Variants in PRORP observed in about 807,000 individuals in gnomAD.
PRORP encodes mitochondrial ribonuclease P catalytic subunit.
In PRORP, 51 loss-of-function variants were observed where a neutral mutation model predicts 59.4. That is an observed-to-expected ratio of 0.86 (90% confidence interval 0.69 to 1.08). The LOEUF (loss-of-function observed/expected upper bound fraction) is 1.08. Among genes scored for constraint, PRORP ranks in the 50% least tolerant of loss-of-function variants. The pLI is 0.00. For synonymous variants in PRORP, 231 were observed against 245.6 expected (o/e 0.94, Z 0.55); for missense variants, 646 against 690.3 (o/e 0.94, Z 0.72).
chr14:35,172,149 A>G (rs1468405913), intron 4 of PRORP, among the ~76,000 whole-genome samples: 1 of 151,004 alleles, frequency 6.6e-6, no homozygotes, highest in African/African-American at 2.4e-5. Context: ...CCCAGGTTCA[A>G]GTGATTCTCC....
chr14:35,240,488 GGT>G (rs147114301), intron 5 of PRORP, among the ~76,000 whole-genome samples: 28,968 of 151,716 alleles, frequency 0.19, 3,357 homozygotes, highest in East Asian at 0.32. Flanking sequence ...TTCTTTTGCT[GGT>G]GTCACTTTTC....
At chr14:35,178,381 C>A (rs2139027358) in intron 4 of PRORP, among the ~76,000 whole-genome samples, 1 of 152,250 alleles carries the variant, frequency 6.6e-6, no homozygotes, top group East Asian at 1.9e-4. Context: ...GTGTCTAAGT[C>A]TCTTTGTAAG....
At chr14:35,141,883 ATT>A (rs1210723866) in intron 4 of PRORP, among the ~76,000 whole-genome samples, 1 of 132,834 alleles carries the variant, frequency 7.5e-6, no homozygotes, top group Non-Finnish European at 1.7e-5. Flanking sequence ...CACCTGGGCA[ATT>A]TTTTTTTTTT....
chr14:35,266,513 A>G (rs1365743742), intron 5 of PRORP, among the ~76,000 whole-genome samples: 1 of 152,108 alleles, frequency 6.6e-6, no homozygotes, highest in Non-Finnish European at 1.5e-5. Context: ...CCCCCCTGCA[A>G]TGTAGCCTGA....
chr14:35,226,168 G>A (rs2049929074), intron 5 of PRORP, among the ~76,000 whole-genome samples: 1 of 152,126 alleles, frequency 6.6e-6, no homozygotes, highest in Admixed American at 6.5e-5. Context: ...TTTGGTGTTA[G>A]CCATGTAAGC....
At chr14:35,224,615 C>T (rs1028698372) in intron 5 of PRORP, among the ~76,000 whole-genome samples, 2 of 152,142 alleles carry the variant, frequency 1.3e-5, no homozygotes, top group African/African-American at 4.8e-5. Context: ...ATATTTTCTT[C>T]CTAAAGTTCC....
intron 5 of PRORP, among the ~76,000 whole-genome samples, chr14:35,214,007 G>A (rs891386194): frequency 6.6e-6 from 1 of 152,176 alleles, no homozygotes; most frequent in Admixed American, 6.5e-5. Context: ...ATGTATACCT[G>A]TATCATATTC....
chr14:35,213,946 A>G (rs1226202131), intron 5 of PRORP, among the ~76,000 whole-genome samples: 1 of 152,232 alleles, frequency 6.6e-6, no homozygotes, highest in African/African-American at 2.4e-5. Context: ...ACTGCCACCA[A>G]TCTTCAATTT....
chr14:35,152,766 G>A (rs1331517330), intron 4 of PRORP, among the ~76,000 whole-genome samples: 9 of 152,184 alleles, frequency 5.9e-5, no homozygotes, highest in African/African-American at 2.2e-4. Context: ...TGGCGGCCGG[G>A]CAGAGGCGCT....
At chr14:35,239,126 CG>C (rs1198687955) in intron 5 of PRORP, among the ~76,000 whole-genome samples, 1 of 151,914 alleles carries the variant, frequency 6.6e-6, no homozygotes, top group African/African-American at 2.4e-5. Flanking sequence ...GGAGGCGAGG[CG>C]GGCGGATCTC....
intron 5 of PRORP, among the ~76,000 whole-genome samples, chr14:35,215,514 C>G (rs2049564476): frequency 6.6e-6 from 1 of 152,058 alleles, no homozygotes; most frequent in Admixed American, 6.5e-5. Flanking sequence ...TGTGGTGGCT[C>G]CCAGCACTGC....
chr14:35,126,000 C>T (rs549163511), intron 2 of PRORP, among the ~76,000 whole-genome samples: 4 of 152,008 alleles, frequency 2.6e-5, no homozygotes, highest in South Asian at 2.1e-4. Flanking sequence ...CCAACCTGGG[C>T]GACAGAGCAA....
chr14:35,145,119 C>T (rs79653192), intron 4 of PRORP, among the ~76,000 whole-genome samples: 4,935 of 144,738 alleles, frequency 0.034, 454 homozygotes, highest in African/African-American at 0.11. Flanking sequence ...TACAGGCACA[C>T]ACCACCACGA....
chr14:35,240,419 CA>C (rs2050335057), intron 5 of PRORP, among the ~76,000 whole-genome samples: 1 of 151,210 alleles, frequency 6.6e-6, no homozygotes. Context: ...ATTTCCAAGG[CA>C]ACCAATTGTG....
At chr14:35,242,698 A>G (rs727096) in intron 5 of PRORP, among the ~76,000 whole-genome samples, 81,799 of 152,038 alleles carry the variant, frequency 0.54, 23,628 homozygotes, top group East Asian at 0.75. Context: ...TCCAAGTGCA[A>G]TATTTTGGAA....
rs1357711461 is a variant in PRORP at position 35,165,248 on chromosome 14, G to A, written c.1168-15422G>A. Among the ~76,000 whole-genome samples, 3 of 152,068 alleles carry A rather than the reference G, an allele frequency of 2.0e-5. No individual in the cohort carries two copies. In the East Asian group the frequency reaches 5.8e-4, roughly 29 times the overall value. On this transcript the variant is annotated intron_variant, in intron 4 of 7. Transcript: ENST00000534898. ...GGCTGACCTGGAACTCCTGGGCTCTGGCAATCTTCCTGCCTCAGCCTCCTG... is the reference window on the plus strand; with the variant it reads ...GGCTGACCTGGAACTCCTGGGCTCTAGCAATCTTCCTGCCTCAGCCTCCTG...
chr14:35,127,979 C>G (rs1189841722), intron 4 of PRORP, among the ~76,000 whole-genome samples: 1 of 152,166 alleles, frequency 6.6e-6, no homozygotes, highest in African/African-American at 2.4e-5. Context: ...TAAAAAGATG[C>G]TTATTCTTTC....
intron 5 of PRORP, among the ~76,000 whole-genome samples, chr14:35,203,103 C>T (rs1274960192): frequency 6.6e-6 from 1 of 151,950 alleles, no homozygotes; most frequent in Non-Finnish European, 1.5e-5. Context: ...TTTAAAGTTA[C>T]TGGAAATGCA....
At chr14:35,226,091 CTG>C (rs1263485273) in intron 5 of PRORP, among the ~76,000 whole-genome samples, 2 of 152,114 alleles carry the variant, frequency 1.3e-5, no homozygotes, top group Admixed American at 6.6e-5. Context: ...CTTTCCTAGT[CTG>C]TGAAATATTT....
Sources: gnomAD v4.1 joint callset for allele counts (sites outside exome capture counted in the v4.1 genomes callset) on GRCh38, gnomAD v4.1.1 for gene constraint, MANE v1.5 for transcripts, NCBI Gene and HGNC (gene_info 2026-07-23, HGNC 2026-07-21) for gene names.